Variants in ENAH observed in about 807,000 individuals in gnomAD.
ENAH encodes protein enabled homolog.
In ENAH, 23 loss-of-function variants were observed where a neutral mutation model predicts 78.7. The observed-to-expected ratio is 0.29, with a 90% CI of 0.21 to 0.41. ENAH has a LOEUF of 0.41. Ranked by LOEUF, ENAH falls within the 10% of genes least tolerant of loss-of-function variation. The pLI is 1.00. For synonymous variants in ENAH, 226 were observed against 241.0 expected (o/e 0.94, Z 0.58); for missense variants, 544 against 691.0 (o/e 0.79, Z 2.39).
At chr1:225,615,776 C>G (rs1307717433) in intron 1 of ENAH, among the ~76,000 whole-genome samples, 1 of 149,544 alleles carries the variant, frequency 6.7e-6, no homozygotes, top group African/African-American at 2.5e-5. Flanking sequence ...CCGGCCGCCC[C>G]GTCTGAGAAG....
intron 1 of ENAH, among the ~76,000 whole-genome samples, chr1:225,590,100 C>CACACACACAT (rs1256435986): frequency 6.6e-6 from 1 of 150,808 alleles, no homozygotes; most frequent in African/African-American, 2.4e-5. Context: ...CACACACACA[C>CACACACACAT]ACACACACAC....
chr1:225,651,429 A>T (rs1162943668), intron 1 of ENAH, among the ~76,000 whole-genome samples: 1 of 152,240 alleles, frequency 6.6e-6, no homozygotes, highest in Non-Finnish European at 1.5e-5. Flanking sequence ...TTAAAATGGA[A>T]ACTACCGAAA....
chr1:225,595,078 C>T (rs1371782325), intron 1 of ENAH, among the ~76,000 whole-genome samples: 2 of 152,108 alleles, frequency 1.3e-5, no homozygotes, highest in African/African-American at 4.8e-5. Flanking sequence ...CTCAAGCCTG[C>T]AATCCCAGCA....
intron 1 of ENAH, among the ~76,000 whole-genome samples, chr1:225,606,036 C>T (rs1225388267): frequency 1.3e-5 from 2 of 152,172 alleles, no homozygotes; most frequent in African/African-American, 2.4e-5. Flanking sequence ...TCACATTCCC[C>T]TTTTATTATT....
At position 225,491,803 on chromosome 1, in the gene ENAH, TAGA is replaced by T. The variant is rs1324441277; in HGVS notation, c.*5969_*5971del. The stretch of plus-strand genomic sequence containing the variant: ...CAATTCTCGATTTTCTAAGCCTTCT[TAGA>T]AGAATAACTATTTACTAAAACCCAA... On this transcript the variant is annotated 3_prime_UTR_variant, in exon 14 of 14. Transcript: ENST00000366843. The T allele has an allele frequency of 3.9e-5, 6 of 152,330 alleles. No homozygotes were observed. Among genetic ancestry groups the T allele is most frequent in the Middle Eastern group, 3.4e-3 (1 of 294 alleles). The allele number at this position is 152,330 out of a possible 1,614,324, so 9.4% of individuals were successfully genotyped here. A position where few individuals can be genotyped will look rare whatever the true frequency, so the allele number is the denominator to read the frequency against.
chr1:225,640,515 AATAT>A (rs761640821), intron 1 of ENAH, among the ~76,000 whole-genome samples: 144 of 152,342 alleles, frequency 9.5e-4, no homozygotes, highest in Admixed American at 1.7e-3. Flanking sequence ...GGAAAATTCA[AATAT>A]AAGCTTCAGT....
Position 225,500,168 on chromosome 1 carries a change from A to G in ENAH, c.1617+824T>C, listed in dbSNP as rs140799899. 2.4e-3 allele frequency among the ~76,000 whole-genome samples: 362 copies of G among 152,340 alleles called. 3 individuals carry two copies. Among genetic ancestry groups the G allele is most frequent in the African/African-American group, 8.4e-3 (348 of 41,580 alleles). The stretch of plus-strand genomic sequence containing the variant: ...GCCACGTGCTCCCCTTTAAAATTTT[A>G]TAACTCAATTTAACTTTTCCAATAG... On this transcript the variant is annotated intron_variant, in intron 12 of 13. Transcript: ENST00000366843.
rs142223180 is a variant in ENAH at position 225,609,250 on chromosome 1, T to C, written c.6-41836A>G. On this transcript the variant is annotated intron_variant, in intron 1 of 13. Transcript: ENST00000366843. Reference sequence around the variant, plus strand: ...TATTAAAAGGAGAGTTAAACTTTAGTAGTATAGTCTGAGCTGAGTAAGTGA... The same window carrying C: ...TATTAAAAGGAGAGTTAAACTTTAGCAGTATAGTCTGAGCTGAGTAAGTGA... Among the ~76,000 whole-genome samples the C allele has an allele frequency of 2.2e-4, 33 of 152,126 alleles. No homozygotes were observed. The East Asian group carries it at 6.4e-3, about 29-fold the overall frequency.
At chr1:225,618,010 G>A (rs1656106779) in intron 1 of ENAH, among the ~76,000 whole-genome samples, 1 of 152,180 alleles carries the variant, frequency 6.6e-6, no homozygotes, top group South Asian at 2.1e-4. Flanking sequence ...AAAGTTATCA[G>A]TCAGAAGCAT....
intron 2 of ENAH, among the ~76,000 whole-genome samples, chr1:225,564,118 TTTTG>T (rs755797885): frequency 9.2e-5 from 14 of 152,116 alleles, no homozygotes; most frequent in Non-Finnish European, 1.5e-4. Context: ...TGCAAGTTTT[TTTTG>T]TTTGTTTTTT....
intron 1 of ENAH, 77 bp from the exon 2 acceptor site, chr1:225,567,491 T>A: frequency 1.1e-5 from 15 of 1,407,848 alleles, no homozygotes; most frequent in African/African-American, 1.4e-5. Flanking sequence ...CACACAAACC[T>A]AGGAGTCAGT....
At chr1:225,566,336 T>C (rs1558826632) in intron 2 of ENAH, among the ~76,000 whole-genome samples, 1 of 152,106 alleles carries the variant, frequency 6.6e-6, no homozygotes, top group African/African-American at 2.4e-5. Context: ...AGCCCCTATA[T>C]GCATACATGA....
chr1:225,624,981 CAGAT>C (rs1386277309), intron 1 of ENAH, among the ~76,000 whole-genome samples: 4 of 152,174 alleles, frequency 2.6e-5, no homozygotes, highest in African/African-American at 9.7e-5. Flanking sequence ...CTTAATGTGA[CAGAT>C]AGAGCTCATG....
intron 10 of ENAH, among the ~76,000 whole-genome samples, chr1:225,510,994 C>A (rs1193566857): frequency 6.6e-6 from 1 of 151,988 alleles, no homozygotes; most frequent in African/African-American, 2.4e-5. Flanking sequence ...GCACTCCAGC[C>A]TGGGCAACAG....
At chr1:225,525,793 C>A (rs972427724) in intron 4 of ENAH, among the ~76,000 whole-genome samples, 8 of 152,088 alleles carry the variant, frequency 5.3e-5, no homozygotes, top group Non-Finnish European at 7.4e-5. Context: ...GAAGCTCCCC[C>A]ACCTTGTCAC....
In ENAH at chr1:225,494,064, C is replaced by CAAAAAAAAAAAAAAAAAAAAAAA. The variant is rs371486457; in HGVS notation, c.*3710_*3711insTTTTTTTTTTTTTTTTTTTTTTT. 1.4e-5 allele frequency: 1 copy of CAAAAAAAAAAAAAAAAAAAAAAA among 73,160 alleles called. No homozygotes were observed. The highest frequency in any genetic ancestry group is 2.4e-5 in the Non-Finnish European group (1 of 41,096). 4.5% of individuals were successfully genotyped at this position (73,160 alleles called of 1,614,324 possible). On this transcript the variant is annotated 3_prime_UTR_variant, in exon 14 of 14. Coordinates refer to ENST00000366843, the MANE Select transcript of ENAH (RefSeq NM_018212.6). Reference sequence around the variant, plus strand: ...AGCAAGAACATGAGACAGGCTAGAGCAAAAAAAAAAAAAAAAAAACAGCTG... The same window carrying CAAAAAAAAAAAAAAAAAAAAAAA: ...AGCAAGAACATGAGACAGGCTAGAGCAAAAAAAAAAAAAAAAAAAAAAAAAAAAAAAAAAAAAAAAAACAGCTG...
rs537271010 is a variant in ENAH at position 225,512,537 on chromosome 1, T to C, written c.1422+120A>G. On this transcript the variant is annotated intron_variant, in intron 9 of 13. Transcript: ENST00000366843. Reference sequence around the variant, plus strand: ...CCACTTCACATGCATAGTTAAAAATTAGCAAATATAAGTTCAAACTAATTA... The same window carrying C: ...CCACTTCACATGCATAGTTAAAAATCAGCAAATATAAGTTCAAACTAATTA... The C allele has an allele frequency of 4.4e-5, 44 of 997,572 alleles. No homozygotes were observed. The African/African-American group carries it at 6.2e-4, about 14-fold the overall frequency. 61.8% of individuals were successfully genotyped at this position (997,572 alleles called of 1,614,324 possible).
chr1:225,521,505 G>C (rs1256497615), intron 4 of ENAH, among the ~76,000 whole-genome samples: 1 of 151,940 alleles, frequency 6.6e-6, no homozygotes, highest in African/African-American at 2.4e-5. Flanking sequence ...GCTGGGCGTG[G>C]TGGTGTGCGC....
chr1:225,604,700 G>A (rs546672196), intron 1 of ENAH, among the ~76,000 whole-genome samples: 80 of 152,126 alleles, frequency 5.3e-4, no homozygotes, highest in African/African-American at 1.8e-3. Context: ...GGCTGAGGCA[G>A]GAGAATCGCT....
Sources: gnomAD v4.1 joint callset for allele counts (sites outside exome capture counted in the v4.1 genomes callset) on GRCh38, gnomAD v4.1.1 for gene constraint, MANE v1.5 for transcripts, NCBI Gene and HGNC (gene_info 2026-07-23, HGNC 2026-07-21) for gene names.